The following ZMYM4 variants were observed in gnomAD, a reference collection of about 807,000 sequenced individuals.
ZMYM4 encodes zinc finger MYM-type containing 4, also known as zinc finger MYM-type protein 4.
In ZMYM4, 31 loss-of-function variants were observed where a neutral mutation model predicts 183.2. The observed-to-expected ratio is 0.17, with a 90% CI of 0.13 to 0.23. The LOEUF (loss-of-function observed/expected upper bound fraction) is 0.23. ZMYM4 is among the 10% of genes least tolerant of loss of function. The pLI is 1.00. For synonymous variants in ZMYM4, 592 were observed against 631.2 expected (o/e 0.94, Z 0.93); for missense variants, 1,273 against 1,840.3 (o/e 0.69, Z 5.64).
At chr1:35,358,515 T>C (rs945531406) in intron 2 of ZMYM4, among the ~76,000 whole-genome samples, 50 of 152,150 alleles carry the variant, frequency 3.3e-4, no homozygotes, top group Non-Finnish European at 2.1e-4. Context: ...GTAGGTCTTT[T>C]GTACATACTA....
At chr1:35,393,538 A>G (rs1386238455) in intron 17 of ZMYM4, 57 bp from the exon 18 acceptor site, 2 of 1,436,270 alleles carry the variant, frequency 1.4e-6, no homozygotes, top group Non-Finnish European at 1.9e-6. Context: ...AATATTTCTT[A>G]TAATTACAAT....
At chr1:35,275,249 T>C (rs1011744460) in intron 1 of ZMYM4, among the ~76,000 whole-genome samples, 1 of 152,180 alleles carries the variant, frequency 6.6e-6, no homozygotes, top group African/African-American at 2.4e-5. Context: ...TTTTTTCTTT[T>C]CTTTTTTTTT....
chr1:35,283,261 T>G (rs1013283186), intron 1 of ZMYM4, among the ~76,000 whole-genome samples: 1 of 147,324 alleles, frequency 6.8e-6, no homozygotes, highest in African/African-American at 2.5e-5. Context: ...GCGATCTACC[T>G]ACCTCGGCCT....
At chr1:35,296,995 G>A (rs370379989) in intron 1 of ZMYM4, among the ~76,000 whole-genome samples, 17 of 151,668 alleles carry the variant, frequency 1.1e-4, no homozygotes, top group African/African-American at 3.4e-4. Flanking sequence ...GATTACAGGC[G>A]TGCGCCACCA....
intron 10 of ZMYM4, among the ~76,000 whole-genome samples, 166 bp downstream of exon 10, chr1:35,385,758 A>G (rs1315854981): frequency 6.6e-6 from 1 of 152,162 alleles, no homozygotes; most frequent in Non-Finnish European, 1.5e-5. Context: ...ATTTACTTGC[A>G]TACCTATTTA....
intron 2 of ZMYM4, among the ~76,000 whole-genome samples, chr1:35,347,774 C>T (rs965613178): frequency 4.6e-5 from 7 of 151,878 alleles, no homozygotes; most frequent in African/African-American, 1.7e-4. Flanking sequence ...ACCGTCTCCC[C>T]ATATCTCTGT....
chr1:35,292,201 C>G (rs1244893837), intron 1 of ZMYM4: 6 of 152,050 alleles, frequency 3.9e-5, no homozygotes, highest in Non-Finnish European at 7.4e-5. Context: ...GTTTTAGACA[C>G]AGGGTGTTGG....
intron 19 of ZMYM4, chr1:35,396,937 GTGTA>G (rs1382380405): frequency 1.1e-5 from 6 of 555,614 alleles, no homozygotes; most frequent in Non-Finnish European, 1.5e-5. Context: ...ATCAGAAATG[GTGTA>G]TGTTGAAATC....
intron 2 of ZMYM4, 140 bp downstream of exon 2, chr1:35,325,545 A>G: frequency 3.1e-6 from 2 of 637,166 alleles, no homozygotes; most frequent in Non-Finnish European, 4.9e-6. Context: ...AGATCTCATC[A>G]CGTACTGTTC....
chr1:35,273,942 A>G (rs1033223118), intron 1 of ZMYM4, among the ~76,000 whole-genome samples: 1 of 152,078 alleles, frequency 6.6e-6, no homozygotes, highest in African/African-American at 2.4e-5. Context: ...GAACACACAT[A>G]TAGACAGTAG....
intron 5 of ZMYM4, among the ~76,000 whole-genome samples, chr1:35,362,440 G>A (rs1643959693): frequency 2.6e-5 from 4 of 152,234 alleles, no homozygotes; most frequent in Admixed American, 2.6e-4. Context: ...TGATGTTGCT[G>A]TTGTTGGAAT....
At chr1:35,277,813 C>G (rs968839187) in intron 1 of ZMYM4, among the ~76,000 whole-genome samples, 2 of 152,094 alleles carry the variant, frequency 1.3e-5, no homozygotes, top group East Asian at 3.9e-4. Context: ...CCCGCCCTCA[C>G]AACTCCCAAA....
chr1:35,403,595 T>C (rs898937307), intron 23 of ZMYM4, among the ~76,000 whole-genome samples: 3 of 151,982 alleles, frequency 2.0e-5, no homozygotes, highest in Admixed American at 2.0e-4. Context: ...CCTATGAAGG[T>C]TTTGAGTGTC....
intron 1 of ZMYM4, among the ~76,000 whole-genome samples, chr1:35,284,507 T>C (rs1428969520): frequency 5.3e-5 from 8 of 152,248 alleles, no homozygotes; most frequent in Non-Finnish European, 8.8e-5. Flanking sequence ...TGTGTATGAA[T>C]ATCCAGGTTT....
chr1:35,357,114 T>C (rs935331076), intron 2 of ZMYM4, among the ~76,000 whole-genome samples: 2 of 152,224 alleles, frequency 1.3e-5, no homozygotes, highest in Non-Finnish European at 2.9e-5. Context: ...GGTCTTGAAC[T>C]CCTGGCCTCA....
In ZMYM4 at chr1:35,387,304, G is replaced by A. The variant is rs757266455; in HGVS notation, c.2112+26G>A. The A allele has an allele frequency of 3.1e-6, 5 of 1,606,834 alleles. No homozygotes were observed. The South Asian group carries it at 5.5e-5, about 18-fold the overall frequency. ...GTAAAGTATAGCATGTTCATGATAA[G>A]ATTTTGAGTATACGTGGGTCTATTT... On this transcript the variant is annotated intron_variant, in intron 12 of 29. Transcript: ENST00000314607.
At chr1:35,387,388 G>A (rs1644600503) in intron 12 of ZMYM4, 66 bp from the exon 13 acceptor site, 6 of 1,566,662 alleles carry the variant, frequency 3.8e-6, no homozygotes, top group Non-Finnish European at 5.2e-6. Context: ...TGAAAGTAAG[G>A]GAGATAAGGA....
intron 2 of ZMYM4, chr1:35,351,567 C>A: frequency 3.3e-6 from 3 of 915,208 alleles, no homozygotes; most frequent in Non-Finnish European, 5.1e-6. Flanking sequence ...CAAAAGAAGG[C>A]AAACTCCCTC....
At chr1:35,415,259 C>T (rs1442247483) in intron 27 of ZMYM4, among the ~76,000 whole-genome samples, 3 of 152,134 alleles carry the variant, frequency 2.0e-5, no homozygotes, top group Non-Finnish European at 4.4e-5. Flanking sequence ...AAAACGGTTT[C>T]AGGAGACTCC....
Sources: allele counts gnomAD v4.1 joint callset (sites outside exome capture counted in the v4.1 genomes callset), GRCh38; gene constraint gnomAD v4.1.1; transcripts MANE v1.5; gene names NCBI Gene and HGNC (gene_info 2026-07-23, HGNC 2026-07-21).